The following RBMXL1 variants were observed in gnomAD, a reference collection of about 807,000 sequenced individuals.
RBMXL1 encodes the protein RNA binding motif protein, X-linked-like-1.
Under a neutral mutation model 29.0 loss-of-function variants are expected in RBMXL1, and 18 were observed. That is an observed-to-expected ratio of 0.62 (90% confidence interval 0.43 to 0.92). The LOEUF (loss-of-function observed/expected upper bound fraction) is 0.92. RBMXL1 is among the 40% of genes least tolerant of loss of function. The pLI, the probability that RBMXL1 is intolerant of heterozygous loss-of-function variation, is 0.00. For missense variants in RBMXL1, 403 were observed against 495.8 expected, an observed-to-expected ratio of 0.81 and a Z score of 1.78; for synonymous variants, 141 against 170.4, an observed-to-expected ratio of 0.83 and a Z score of 1.34.
chr1:88,982,659 A>G lies in RBMXL1; in HGVS notation c.1168T>C (p.Tyr390His). The G allele has an allele frequency of 2.5e-6, 4 of 1,596,696 alleles. No homozygotes were observed. Among genetic ancestry groups the G allele is most frequent in the Middle Eastern group, 1.7e-4 (1 of 5,946 alleles). ...RSDRGGGRSRY is the reference protein window; with the variant it reads ...RSDRGGGRSRH ...GTCCAAAGTTTTGTTTGTTTCTAGTATCTGCTTCTGCCTCCCCCTCTATCA... is the reference window on the plus strand; with the variant it reads ...GTCCAAAGTTTTGTTTGTTTCTAGTGTCTGCTTCTGCCTCCCCCTCTATCA... The change falls in exon 3 of 3, where the codon TAC becomes CAC. Residue 390 changes from tyrosine (Y) to histidine (H), a missense_variant. By Grantham distance (83) the Tyr-to-His change is moderately conservative. Coordinates refer to ENST00000652648, the MANE Select transcript of RBMXL1 (RefSeq NM_001162536.3).
At chr1:88,985,081 G>A (rs921913105) in intron 2 of RBMXL1, among the ~76,000 whole-genome samples, 2 of 152,160 alleles carry the variant, frequency 1.3e-5, no homozygotes, top group African/African-American at 4.8e-5. Flanking sequence ...TGGAAACAAG[G>A]CTTTCTCTAA....
intron 1 of RBMXL1, among the ~76,000 whole-genome samples, chr1:88,991,689 C>G (rs1035842710): frequency 5.9e-5 from 9 of 152,216 alleles, no homozygotes; most frequent in Admixed American, 5.9e-4. Context: ...AAAAACTGTT[C>G]TATGAAAATG....
At position 88,981,521 on chromosome 1, in the gene RBMXL1, G is replaced by A. The variant is rs1173317008; in HGVS notation, c.*1133C>T. The A allele has an allele frequency of 6.4e-6, 1 of 155,754 alleles. No individual in the cohort carries two copies. Among genetic ancestry groups the A allele is most frequent in the Non-Finnish European group, 1.5e-5 (1 of 68,232 alleles). The allele number at this position is 155,754 out of a possible 1,614,324, so 9.6% of individuals were successfully genotyped here. On this transcript the variant is annotated 3_prime_UTR_variant, in exon 3 of 3. Transcript: ENST00000652648. The stretch of plus-strand genomic sequence containing the variant: ...ACTACCACTCACTCCCTAGTTATGA[G>A]TGTTAATCAACACTGATGCCTTCCT...
Position 88,980,058 on chromosome 1 carries a change from A to G in RBMXL1, c.*2596T>C, listed in dbSNP as rs1380904261. On this transcript the variant is annotated 3_prime_UTR_variant, in exon 3 of 3. Transcript: ENST00000652648. ...GTCATTGTGTGTGAAAGAAACCATA[A>G]ACAAAAAAGTACATGCTACACAATC... is the stretch of plus-strand genomic sequence containing the variant. The G allele has an allele frequency of 6.6e-6, 1 of 152,214 alleles. No individual in the cohort carries two copies. Among genetic ancestry groups the G allele is most frequent in the Non-Finnish European group, 1.5e-5 (1 of 68,050 alleles). 9.4% of individuals were successfully genotyped at this position (152,214 alleles called of 1,614,324 possible). A position where few individuals can be genotyped will look rare whatever the true frequency, so the allele number is the denominator to read the frequency against.
At chr1:88,984,873 C>T (rs1039001619) in intron 2 of RBMXL1, among the ~76,000 whole-genome samples, 3 of 152,250 alleles carry the variant, frequency 2.0e-5, no homozygotes, top group African/African-American at 7.2e-5. Flanking sequence ...CATTTGCAAT[C>T]CAATTCCTTT....
At position 88,982,777 on chromosome 1, in the gene RBMXL1, A is replaced by T. The variant is rs1440093693; in HGVS notation, c.1050T>A (p.Pro350=). 6.2e-7 allele frequency: 1 copy of T among 1,613,932 alleles called. No individual in the cohort carries two copies. The change falls in exon 3 of 3, where the codon CCT becomes CCA. Residue 350 remains proline, a synonymous_variant. Coordinates refer to ENST00000652648, the MANE Select transcript of RBMXL1 (RefSeq NM_001162536.3). Reference sequence around the variant, plus strand: ...AAGAAGGGTACCCCCTTTCTACAGAAGGGGGAAGCCCTCTTTCTTGTCTGC... The same window carrying T: ...AAGAAGGGTACCCCCTTTCTACAGATGGGGGAAGCCCTCTTTCTTGTCTGC... ...RVGRQERGLP[P]SVERGYPSSR...
Position 88,980,846 on chromosome 1 carries a change from T to C in RBMXL1, c.*1808A>G, listed in dbSNP as rs1170367737. 3 of 152,196 alleles carry C rather than the reference T, an allele frequency of 2.0e-5. No homozygotes were observed. Among genetic ancestry groups the C allele is most frequent in the Non-Finnish European group, 4.4e-5 (3 of 68,032 alleles). The allele number at this position is 152,196 out of a possible 1,614,324, so 9.4% of individuals were successfully genotyped here. On this transcript the variant is annotated 3_prime_UTR_variant, in exon 3 of 3. Coordinates refer to ENST00000652648, the MANE Select transcript of RBMXL1 (RefSeq NM_001162536.3). ...GATTCGGCTAAGACAACTATGGAAG[T>C]GTAACAACCACATAAATTTGGTCAT...
rs558718266 is a variant in RBMXL1, at chr1:88,990,694, T to C, written c.-341+1891A>G. ...ATGACCCTCTCACTAGGTAATCTCA[T>C]TGTGTAAGGAACTGTGGGAGCATAG... On this transcript the variant is annotated intron_variant, in intron 1 of 2. Coordinates refer to ENST00000652648, the MANE Select transcript of RBMXL1 (RefSeq NM_001162536.3). Among the ~76,000 whole-genome samples, 61 of 152,328 alleles carry C rather than the reference T, an allele frequency of 4.0e-4. No homozygotes were observed. In the East Asian group the frequency reaches 6.9e-3, roughly 17 times the overall value.
In RBMXL1 at chr1:88,983,394, C is replaced by G; in HGVS notation, c.433G>C (p.Gly145Arg). The G allele has an allele frequency of 6.2e-7, 1 of 1,614,154 alleles. No homozygotes were observed. Among genetic ancestry groups the G allele is most frequent in the Non-Finnish European group, 8.5e-7 (1 of 1,180,026 alleles). ...SMNFNMSSSR[G>R]PLPVKRGPPP... ...GGTCCTCTTTTTACTGGGAGTGGTC[C>G]CCTGGAAGAACTCATGTTAAAATTC... is the stretch of plus-strand genomic sequence containing the variant. The change falls in exon 3 of 3, where the codon GGA becomes CGA. Residue 145 changes from glycine to arginine, a missense_variant. Transcript: ENST00000652648.
intron 1 of RBMXL1, among the ~76,000 whole-genome samples, chr1:88,990,000 G>C (rs1677692371): frequency 6.6e-6 from 1 of 152,106 alleles, no homozygotes; most frequent in South Asian, 2.1e-4. Flanking sequence ...GTCTCCCATA[G>C]TCCAAAATGA....
In RBMXL1 at chr1:88,983,847, C is replaced by A. The variant is rs1192193166; in HGVS notation, c.-21G>T. ...ACCATTTTTTTTTTTGCCGGTGAGT[C>A]GGAGGGGTGACAGTGGGTTCAAGCT... is the stretch of plus-strand genomic sequence containing the variant. On this transcript the variant is annotated 5_prime_UTR_variant, in exon 3 of 3. Transcript: ENST00000652648. 3.3e-6 allele frequency: 5 copies of A among 1,516,464 alleles called. No homozygotes were observed. The highest frequency in any genetic ancestry group is 1.1e-5 in the South Asian group (1 of 88,792). The allele number at this position is 1,516,464 out of a possible 1,614,324, so 93.9% of individuals were successfully genotyped here.
intron 2 of RBMXL1, among the ~76,000 whole-genome samples, chr1:88,987,625 A>T (rs1346006741): frequency 6.6e-6 from 1 of 152,228 alleles, no homozygotes; most frequent in African/African-American, 2.4e-5. Flanking sequence ...AGATTCAGTA[A>T]TTCTCAAGAT....
chr1:88,981,232 A>G lies in RBMXL1; in HGVS notation c.*1422T>C, dbSNP rs1327447645. ...CACTCATAAGTTTTATTCTACAACTAAACTGTTTGTGGATAAGCCACCACA... is the reference window on the plus strand; with the variant it reads ...CACTCATAAGTTTTATTCTACAACTGAACTGTTTGTGGATAAGCCACCACA... On this transcript the variant is annotated 3_prime_UTR_variant, in exon 3 of 3. Coordinates refer to ENST00000652648, the MANE Select transcript of RBMXL1 (RefSeq NM_001162536.3). 2.9e-4 allele frequency: 44 copies of G among 152,214 alleles called. 1 individual carries two copies. The highest frequency in any genetic ancestry group is 2.9e-3 in the Admixed American group (44 of 15,288). 9.4% of individuals were successfully genotyped at this position (152,214 alleles called of 1,614,324 possible).
At chr1:88,988,674 C>T (rs1199448493) in intron 1 of RBMXL1, among the ~76,000 whole-genome samples, 1 of 152,188 alleles carries the variant, frequency 6.6e-6, no homozygotes, top group Non-Finnish European at 1.5e-5. Flanking sequence ...AGTTCCATTT[C>T]TAGCAGCTAT....
At position 88,983,631 on chromosome 1, in the gene RBMXL1, C is replaced by T. The variant is rs1557706856; in HGVS notation, c.196G>A (p.Ala66Thr). The change falls in exon 3 of 3, where the codon GCC (alanine) becomes ACC (threonine). Residue 66 changes from alanine (A) to threonine (T), a missense_variant. Coordinates refer to ENST00000652648, the MANE Select transcript of RBMXL1 (RefSeq NM_001162536.3). ...FESPADAKDA[A>T]RDMNGKSLDG... The stretch of plus-strand genomic sequence containing the variant: ...AATGACTTTCCATTCATGTCTCTGG[C>T]TGCATCCTTAGCGTCTGCTGGGCTT... The T allele has an allele frequency of 1.2e-6, 2 of 1,613,892 alleles. No homozygotes were observed. The highest frequency in any genetic ancestry group is 1.7e-6 in the Non-Finnish European group (2 of 1,180,050).
Position 88,983,749 on chromosome 1 carries a change from T to C in RBMXL1, c.78A>G (p.Thr26=), listed in dbSNP as rs1346998867. 6.2e-7 allele frequency: 1 copy of C among 1,614,068 alleles called. No homozygotes were observed. Among genetic ancestry groups the C allele is most frequent in the Non-Finnish European group, 8.5e-7 (1 of 1,179,896 alleles). Residue 26 remains threonine, a synonymous_variant, in exon 3 of 3, where the codon ACA becomes ACG. Coordinates refer to ENST00000652648, the MANE Select transcript of RBMXL1 (RefSeq NM_001162536.3). ...NTETNEKALE[T]VFGKYGRIVE... ...CTATTCGTCCATATTTGCCAAATAC[T>C]GTTTCAAGAGCTTTCTCATTTGTTT...
Position 88,983,960 on chromosome 1 carries a change from A to G in RBMXL1, c.-134T>C. On this transcript the variant is annotated 5_prime_UTR_variant, in exon 3 of 3. Transcript: ENST00000652648. The stretch of plus-strand genomic sequence containing the variant: ...AGGACTGAACCGCGAAGCCGCTAGC[A>G]CTACTGCGCAATCTGGATGCTTTTT... 2.1e-6 allele frequency: 2 copies of G among 962,360 alleles called. No homozygotes were observed. Among genetic ancestry groups the G allele is most frequent in the South Asian group, 1.4e-5 (1 of 69,444 alleles). 59.6% of individuals were successfully genotyped at this position (962,360 alleles called of 1,614,324 possible).
chr1:88,992,550 AGCGCCGCGCCGCGCCGCGC>A lies in RBMXL1; in HGVS notation c.-341+16_-341+34del, dbSNP rs1490364335. 46 of 152,716 alleles carry A rather than the reference AGCGCCGCGCCGCGCCGCGC, an allele frequency of 3.0e-4. No homozygotes were observed. The highest frequency in any genetic ancestry group is 1.1e-3 in the African/African-American group (44 of 41,540). The allele number at this position is 152,716 out of a possible 1,614,324, so 9.5% of individuals were successfully genotyped here. On this transcript the variant is annotated intron_variant, in intron 1 of 2. Transcript: ENST00000652648. ...GACGGCCCTAGTCAGTCCGCACGGA[AGCGCCGCGCCGCGCCGCGC>A]GCCCGCCCCACTCACCTATCCGGTG...
Position 88,983,001 on chromosome 1 carries a change from G to C in RBMXL1, c.826C>G (p.Pro276Ala), listed in dbSNP as rs1327389961. The C allele has an allele frequency of 1.2e-6, 2 of 1,613,254 alleles. No homozygotes were observed. Among genetic ancestry groups the C allele is most frequent in the East Asian group, 4.5e-5 (2 of 44,874 alleles). Residue 276 changes from proline to alanine, a missense_variant, in exon 3 of 3, where the codon CCA (proline) becomes GCA (alanine). Transcript: ENST00000652648. Reference sequence around the variant, plus strand: ...GAATCTCTGTAGGAACCTCCACTTGGATGATCTGAATAGTCACGATCACGA... The same window carrying C: ...GAATCTCTGTAGGAACCTCCACTTGCATGATCTGAATAGTCACGATCACGA... The part of the protein sequence containing the change: ...YGRDRDYSDH[P>A]SGGSYRDSYE...
Sources: gnomAD v4.1 joint callset for allele counts (sites outside exome capture counted in the v4.1 genomes callset) on GRCh38, gnomAD v4.1.1 for gene constraint, MANE v1.5 for transcripts, NCBI Gene and HGNC (gene_info 2026-07-23, HGNC 2026-07-21) for gene names.